Variants in SLC13A5 observed in about 807,000 individuals in gnomAD.
SLC13A5 encodes the protein Na(+)/citrate cotransporter.
Under a neutral mutation model 56.5 loss-of-function variants are expected in SLC13A5, and 25 were observed. That is an observed-to-expected ratio of 0.44 (90% CI 0.32 to 0.62). The LOEUF is 0.62. Among genes scored for constraint, SLC13A5 ranks in the 20% least tolerant of loss-of-function variants. SLC13A5 has a pLI of 0.04. For synonymous variants in SLC13A5, 307 were observed against 301.5 expected, an observed-to-expected ratio of 1.02 and a Z score of -0.19; for missense variants, 649 against 737.8, an observed-to-expected ratio of 0.88 and a Z score of 1.39.
intron 1 of SLC13A5, among the ~76,000 whole-genome samples, chr17:6,712,900 A>G (rs1189029872): frequency 6.6e-6 from 1 of 152,168 alleles, no homozygotes; most frequent in Non-Finnish European, 1.5e-5. Context: ...GCACTGTGGG[A>G]GATTCGATTC....
chr17:6,693,447 A>T lies in SLC13A5; in HGVS notation c.1157-285T>A, dbSNP rs1431735558. On this transcript the variant is annotated intron_variant, in intron 8 of 11. Transcript: ENST00000433363. ...AATTTGGCCATACATTTTAAGGGCCATTAAGACTTTGTATTCTATCACCCC... is the reference window on the plus strand; with the variant it reads ...AATTTGGCCATACATTTTAAGGGCCTTTAAGACTTTGTATTCTATCACCCC... 2.3e-5 allele frequency: 6 copies of T among 265,034 alleles called. No individual in the cohort carries two copies. The East Asian group carries it at 4.7e-4, about 21-fold the overall frequency. The allele number at this position is 265,034 out of a possible 1,614,324, so 16.4% of individuals were successfully genotyped here.
intron 8 of SLC13A5, 23 bp downstream of exon 8, chr17:6,694,074 G>A (rs755842448): frequency 2.0e-5 from 31 of 1,550,694 alleles, no homozygotes; most frequent in Non-Finnish European, 2.5e-5. Context: ...CTGATGACTG[G>A]GCGATCAGAA....
intron 4 of SLC13A5, 149 bp from the exon 5 acceptor site, chr17:6,703,287 G>T: frequency 5.9e-6 from 6 of 1,015,330 alleles, no homozygotes; most frequent in Non-Finnish European, 8.6e-6. Context: ...GTTGCTGGCA[G>T]GGATGTGCCC....
chr17:6,710,762 C>CTG (rs111949694), intron 1 of SLC13A5, among the ~76,000 whole-genome samples: 24,752 of 148,332 alleles, frequency 0.17, 1,996 homozygotes, highest in African/African-American at 0.18. Flanking sequence ...GCAAAACCTA[C>CTG]TGTGTGTGTG....
rs897337238 is a variant in SLC13A5 at position 6,707,610 on chromosome 17, G to T, written c.103-454C>A. Among the ~76,000 whole-genome samples the T allele has an allele frequency of 5.3e-5, 8 of 152,080 alleles. No homozygotes were observed. In the South Asian group the frequency reaches 8.3e-4, roughly 16 times the overall value. ...AAGGAGAAGAAGAATAAAATACCTG[G>T]TTTTTTTGGTTTTATTATTATTTTA... On this transcript the variant is annotated intron_variant, in intron 1 of 11. Coordinates refer to ENST00000433363, the MANE Select transcript of SLC13A5 (RefSeq NM_177550.5).
chr17:6,689,139 G>C (rs1175213479), intron 10 of SLC13A5: 1 of 152,174 alleles, frequency 6.6e-6, no homozygotes, highest in African/African-American at 2.4e-5. Context: ...ACATGAAATT[G>C]CTGAGTCAAG....
Position 6,701,229 on chromosome 17 carries a change from T to C in SLC13A5, c.717-103A>G. The stretch of plus-strand genomic sequence containing the variant: ...GCAGCTGGGCCCTGAGAGGCGCGCC[T>C]GTGTGGAGGCCACATCCTCCTGAGG... On this transcript the variant is annotated intron_variant, in intron 5 of 11. Coordinates refer to ENST00000433363, the MANE Select transcript of SLC13A5 (RefSeq NM_177550.5). This position sits in a 1 kb window ranked among gnomAD's most constrained non-coding sequence, Gnocchi z 4.1. 1 of 1,496,194 alleles carries C rather than the reference T, an allele frequency of 6.7e-7. No individual in the cohort carries two copies. The highest frequency in any genetic ancestry group is 9.0e-7 in the Non-Finnish European group (1 of 1,107,200). 92.7% of individuals were successfully genotyped at this position (1,496,194 alleles called of 1,614,324 possible).
At position 6,711,980 on chromosome 17, in the gene SLC13A5, C is replaced by T. The variant is rs908605529; in HGVS notation, c.102+1252G>A. Among the ~76,000 whole-genome samples, 2 of 152,142 alleles carry T rather than the reference C, an allele frequency of 1.3e-5. No homozygotes were observed. The highest frequency in any genetic ancestry group is 2.4e-5 in the African/African-American group (1 of 41,422). On this transcript the variant is annotated intron_variant, in intron 1 of 11. Coordinates refer to ENST00000433363, the MANE Select transcript of SLC13A5 (RefSeq NM_177550.5). The surrounding 1 kb of genome is among the most constrained non-coding windows in gnomAD (Gnocchi z 4.0). ...GGCCTGTGCTAGGCCCACCCAAGGG[C>T]TCCTCCCAGTCTCCCCCTCCCCCAT...
At chr17:6,693,979 G>A (rs569598666) in intron 8 of SLC13A5, 118 bp downstream of exon 8, 1 of 501,326 alleles carries the variant, frequency 2.0e-6, no homozygotes, top group Non-Finnish European at 3.4e-6. Flanking sequence ...GGCTTTTGTA[G>A]CCAATCCTCT....
At chr17:6,707,779 G>A (rs1431298506) in intron 1 of SLC13A5, among the ~76,000 whole-genome samples, 3 of 150,690 alleles carry the variant, frequency 2.0e-5, no homozygotes, top group South Asian at 2.1e-4. Flanking sequence ...TAGCGTGGTC[G>A]AATGGATACT....
rs1048259643 is a variant in SLC13A5 at position 6,685,893 on chromosome 17, G to A, written c.*314C>T. 50 of 350,378 alleles carry A rather than the reference G, an allele frequency of 1.4e-4. No individual in the cohort carries two copies. Among genetic ancestry groups the A allele is most frequent in the South Asian group, 9.6e-4 (28 of 29,144 alleles). 21.7% of individuals were successfully genotyped at this position (350,378 alleles called of 1,614,324 possible). On this transcript the variant is annotated 3_prime_UTR_variant, in exon 12 of 12. Transcript: ENST00000433363. The surrounding 1 kb of genome is among the most constrained non-coding windows in gnomAD (Gnocchi z 4.2). Reference sequence around the variant, plus strand: ...GTGTGGGGGATGCTTGAGGCAGAGCGGGTACAGCAGCCTGCATCCTGATCC... The same window carrying A: ...GTGTGGGGGATGCTTGAGGCAGAGCAGGTACAGCAGCCTGCATCCTGATCC...
In SLC13A5 at chr17:6,707,142, G is replaced by A; in HGVS notation, c.117C>T (p.Ala39=). The A allele has an allele frequency of 6.2e-7, 1 of 1,613,978 alleles. No individual in the cohort carries two copies. The highest frequency in any genetic ancestry group is 8.5e-7 in the Non-Finnish European group (1 of 1,179,982). Residue 39 remains alanine, a synonymous_variant, in exon 2 of 12, where the codon GCC becomes GCT. Transcript: ENST00000433363. Reference sequence around the variant, plus strand: ...AAATGGCCATGAGGATGATGACGTAGGCACACCTGACAAACTGAAGAGACA... The same window carrying A: ...AAATGGCCATGAGGATGATGACGTAAGCACACCTGACAAACTGAAGAGACA... ...ILMPAKFVRC[A]YVIILMAIYW... is the part of the protein sequence containing the mutation.
At position 6,686,043 on chromosome 17, in the gene SLC13A5, T is replaced by A. The variant is rs1290229359; in HGVS notation, c.*164A>T. The stretch of plus-strand genomic sequence containing the variant: ...CCAGCTGCCCATGACCATCTCTGCA[T>A]CTGGGCTTGGAGGAAGAGGTGGCCC... On this transcript the variant is annotated 3_prime_UTR_variant, in exon 12 of 12. Coordinates refer to ENST00000433363, the MANE Select transcript of SLC13A5 (RefSeq NM_177550.5). 6.2e-6 allele frequency: 6 copies of A among 969,762 alleles called. No homozygotes were observed. The East Asian group carries it at 1.2e-4, about 20-fold the overall frequency. The allele number at this position is 969,762 out of a possible 1,614,324, so 60.1% of individuals were successfully genotyped here. A position where few individuals can be genotyped will look rare whatever the true frequency, so the allele number is the denominator to read the frequency against.
Position 6,687,736 on chromosome 17 carries a change from G to T in SLC13A5, c.1438-70C>A, listed in dbSNP as rs916965478. On this transcript the variant is annotated intron_variant, in intron 10 of 11. Transcript: ENST00000433363. The surrounding 1 kb of genome is among the most constrained non-coding windows in gnomAD (Gnocchi z 5.0). The stretch of plus-strand genomic sequence containing the variant: ...GCTCTTGGGGACGTGATTCTGAAAA[G>T]GATTCTCTGAATGTGCCGGGTACGT... The T allele has an allele frequency of 2.5e-5, 37 of 1,485,590 alleles. No individual in the cohort carries two copies. In the South Asian group the frequency reaches 5.2e-4, roughly 21 times the overall value. The allele number at this position is 1,485,590 out of a possible 1,614,324, so 92.0% of individuals were successfully genotyped here. A position where few individuals can be genotyped will look rare whatever the true frequency, so the allele number is the denominator to read the frequency against.
At chr17:6,710,828 C>G (rs1974002423) in intron 1 of SLC13A5, among the ~76,000 whole-genome samples, 1 of 151,788 alleles carries the variant, frequency 6.6e-6, no homozygotes, top group Non-Finnish European at 1.5e-5. Flanking sequence ...AGATGTTCAT[C>G]AAAATGTGAA....
rs149426115 is a variant in SLC13A5, at chr17:6,702,631, T to C, written c.716+339A>G. ...TCTGGAAGTACATTGTCATCTGCCA[T>C]GACTTTAGCTCAGAGTTCAATCCAC... On this transcript the variant is annotated intron_variant, in intron 5 of 11. Transcript: ENST00000433363. Among the ~76,000 whole-genome samples, 1,249 of 152,290 alleles carry C rather than the reference T, an allele frequency of 8.2e-3. 16 individuals carry two copies. Among genetic ancestry groups the C allele is most frequent in the African/African-American group, 0.028 (1,171 of 41,566 alleles).
rs1190107923 is a variant in SLC13A5, at chr17:6,693,023, GC to G, written c.1275+20del. On this transcript the variant is annotated intron_variant, in intron 9 of 11. Transcript: ENST00000433363. ...TTGACGAAGAAGAGGGCTCTGGGCA[GC>G]CTGTGGCTGGAGAAGTTACCTCGGA... is the stretch of plus-strand genomic sequence containing the variant. 1.9e-6 allele frequency: 3 copies of G among 1,592,550 alleles called. No individual in the cohort carries two copies. Among genetic ancestry groups the G allele is most frequent in the Non-Finnish European group, 2.6e-6 (3 of 1,160,314 alleles).
rs200076864 is a variant in SLC13A5, at chr17:6,702,987, G to A, written c.699C>T (p.Leu233=). The change falls in exon 5 of 12, where the codon CTC becomes CTT. Residue 233 remains leucine (L), a synonymous_variant. Coordinates refer to ENST00000433363, the MANE Select transcript of SLC13A5 (RefSeq NM_177550.5). ...TLTGTGPNVV[L]LGQMNELFPD... ...GGACTCACTCGTTCATCTGGCCCAG[G>A]AGCACCACGTTGGGTCCCGTCCCGG... 6.2e-6 allele frequency: 10 copies of A among 1,614,154 alleles called. No homozygotes were observed. The highest frequency in any genetic ancestry group is 4.0e-5 in the African/African-American group (3 of 75,068).
chr17:6,686,048 G>A lies in SLC13A5; in HGVS notation c.*159C>T. The A allele has an allele frequency of 6.9e-6, 7 of 1,017,958 alleles. No homozygotes were observed. Among genetic ancestry groups the A allele is most frequent in the Non-Finnish European group, 1.0e-5 (7 of 687,286 alleles). 63.1% of individuals were successfully genotyped at this position (1,017,958 alleles called of 1,614,324 possible). A position where few individuals can be genotyped will look rare whatever the true frequency, so the allele number is the denominator to read the frequency against. ...TGCCCATGACCATCTCTGCATCTGGGCTTGGAGGAAGAGGTGGCCCATTGG... is the reference window on the plus strand; with the variant it reads ...TGCCCATGACCATCTCTGCATCTGGACTTGGAGGAAGAGGTGGCCCATTGG... On this transcript the variant is annotated 3_prime_UTR_variant, in exon 12 of 12. Coordinates refer to ENST00000433363, the MANE Select transcript of SLC13A5 (RefSeq NM_177550.5).
Sources: gnomAD v4.1 joint callset for allele counts (sites outside exome capture counted in the v4.1 genomes callset) on GRCh38, gnomAD v4.1.1 for gene constraint, Gnocchi (gnomAD v3.1) non-coding constraint, MANE v1.5 for transcripts, NCBI Gene and HGNC (gene_info 2026-07-23, HGNC 2026-07-21) for gene names.